RNGTT: variants seen among roughly 807,000 people sequenced by gnomAD.
RNGTT encodes mRNA-capping enzyme.
RNGTT carries 33 observed loss-of-function variants against 79.3 expected under a neutral mutation model. That is an observed-to-expected ratio of 0.42 (90% CI 0.32 to 0.56). The LOEUF is 0.56. Among genes scored for constraint, RNGTT ranks in the 20% least tolerant of loss-of-function variants. The pLI, the probability that RNGTT is intolerant of heterozygous loss-of-function variation, is 0.17. For missense variants in RNGTT, 497 were observed against 739.1 expected, an observed-to-expected ratio of 0.67 and a Z score of 3.80; for synonymous variants, 222 against 235.9, an observed-to-expected ratio of 0.94 and a Z score of 0.54.
chr6:88,934,716 C>G (rs928553616), intron 2 of RNGTT, among the ~76,000 whole-genome samples: 4 of 152,156 alleles, frequency 2.6e-5, no homozygotes, highest in Non-Finnish European at 5.9e-5. Context: ...ATATGAATCA[C>G]TGCAGCCTTG....
intron 13 of RNGTT, among the ~76,000 whole-genome samples, chr6:88,745,775 C>T (rs1777641017): frequency 6.6e-6 from 1 of 151,044 alleles, no homozygotes; most frequent in South Asian, 2.1e-4. Flanking sequence ...AAAAAAAAAG[C>T]AGAAGAAAAA....
At chr6:88,939,916 C>T (rs1195012002) in intron 2 of RNGTT, among the ~76,000 whole-genome samples, 1 of 151,170 alleles carries the variant, frequency 6.6e-6, no homozygotes, top group Non-Finnish European at 1.5e-5. Flanking sequence ...CCATGCCCGG[C>T]TAATTTTTTT....
At chr6:88,766,481 C>T (rs575024368) in intron 13 of RNGTT, among the ~76,000 whole-genome samples, 1 of 151,952 alleles carries the variant, frequency 6.6e-6, no homozygotes, top group African/African-American at 2.4e-5. Context: ...TAAAACTCAA[C>T]ACAATATAAA....
intron 12 of RNGTT, among the ~76,000 whole-genome samples, chr6:88,800,386 T>C (rs1053587748): frequency 6.6e-6 from 1 of 152,184 alleles, no homozygotes; most frequent in South Asian, 2.1e-4. Flanking sequence ...GTCTTTGAAT[T>C]AGAGATACTC....
chr6:88,823,092 T>C (rs1473091172), intron 11 of RNGTT, among the ~76,000 whole-genome samples: 1 of 152,124 alleles, frequency 6.6e-6, no homozygotes, highest in East Asian at 1.9e-4. Flanking sequence ...AATTCATAAA[T>C]CAAACGAGTG....
At chr6:88,648,124 A>G (rs1773648759) in intron 14 of RNGTT, among the ~76,000 whole-genome samples, 1 of 152,306 alleles carries the variant, frequency 6.6e-6, no homozygotes, top group African/African-American at 2.4e-5. Context: ...TCTCTTAGGA[A>G]CCATTACTTC....
intron 13 of RNGTT, among the ~76,000 whole-genome samples, chr6:88,724,551 T>C (rs1776820482): frequency 6.6e-6 from 1 of 152,134 alleles, no homozygotes; most frequent in Admixed American, 6.5e-5. Flanking sequence ...AGAAAATTTT[T>C]CCACAGACAG....
intron 13 of RNGTT, among the ~76,000 whole-genome samples, chr6:88,703,678 A>G (rs1259582837): frequency 6.6e-6 from 1 of 152,220 alleles, no homozygotes; most frequent in Non-Finnish European, 1.5e-5. Context: ...TACATCCTGA[A>G]TCTAAAATAA....
chr6:88,931,947 C>A (rs1033929192), intron 2 of RNGTT, among the ~76,000 whole-genome samples: 2 of 151,906 alleles, frequency 1.3e-5, no homozygotes, highest in Admixed American at 1.3e-4. Flanking sequence ...GAGATCTGGG[C>A]ACCTTGAAAA....
chr6:88,760,416 G>T (rs1207948238), intron 13 of RNGTT, among the ~76,000 whole-genome samples: 1 of 152,178 alleles, frequency 6.6e-6, no homozygotes, highest in East Asian at 1.9e-4. Flanking sequence ...AATGTTAACA[G>T]TAGTAACCAT....
In RNGTT at chr6:88,775,265, C is replaced by G. The variant is rs563472387; in HGVS notation, c.1339-5391G>C. Among the ~76,000 whole-genome samples, 111 of 152,286 alleles carry G rather than the reference C, an allele frequency of 7.3e-4. 1 individual carries two copies. Among genetic ancestry groups the G allele is most frequent in the Admixed American group, 1.4e-3 (21 of 15,296 alleles). On this transcript the variant is annotated intron_variant, in intron 12 of 15. Coordinates refer to ENST00000369485, the MANE Select transcript of RNGTT (RefSeq NM_003800.5). Reference sequence around the variant, plus strand: ...GTGTCAAGAACATCTGAAATCTACTCTCTTGGCAAACTTCCAGTATATAAA... The same window carrying G: ...GTGTCAAGAACATCTGAAATCTACTGTCTTGGCAAACTTCCAGTATATAAA...
chr6:88,840,743 A>G (rs1781259340), intron 11 of RNGTT, among the ~76,000 whole-genome samples: 1 of 152,234 alleles, frequency 6.6e-6, no homozygotes, highest in South Asian at 2.1e-4. Flanking sequence ...TTAAGGAATT[A>G]CATAAGCTAA....
rs35623392 is a variant in RNGTT at position 88,704,259 on chromosome 6, CAAAAAAAA to C, written c.1440-25848_1440-25841del. Among the ~76,000 whole-genome samples, 283 of 48,712 alleles carry C rather than the reference CAAAAAAAA, an allele frequency of 5.8e-3. 3 individuals are homozygous for C. Among genetic ancestry groups the C allele is most frequent in the African/African-American group, 0.014 (210 of 15,054 alleles). The allele number at this position is 48,712 out of a possible 152,430, so 32.0% of individuals were successfully genotyped here. Reference sequence around the variant, plus strand: ...TGGGTGACAGAGCGAGACTCTGTCTCAAAAAAAAAAAAAAAAAAAAAAAAAAAGACAGA... The same window carrying C: ...TGGGTGACAGAGCGAGACTCTGTCTCAAAAAAAAAAAAAAAAAAAGACAGA... On this transcript the variant is annotated intron_variant, in intron 13 of 15. Transcript: ENST00000369485.
chr6:88,963,509 G>A lies in RNGTT; in HGVS notation c.-100C>T, dbSNP rs1289971801. 7.0e-6 allele frequency: 8 copies of A among 1,145,116 alleles called. No individual in the cohort carries two copies. The highest frequency in any genetic ancestry group is 1.6e-5 in the African/African-American group (1 of 62,142). The allele number at this position is 1,145,116 out of a possible 1,614,324, so 70.9% of individuals were successfully genotyped here. ...GTGCACACCGGGGTCCGAGACACCC[G>A]AATCGCAGCCGTAATCTGAATTCCA... is the stretch of plus-strand genomic sequence containing the variant. On this transcript the variant is annotated 5_prime_UTR_variant, in exon 1 of 16. Coordinates refer to ENST00000369485, the MANE Select transcript of RNGTT (RefSeq NM_003800.5).
intron 14 of RNGTT, among the ~76,000 whole-genome samples, chr6:88,671,695 C>T (rs180796606): frequency 8.3e-4 from 126 of 152,332 alleles, no homozygotes; most frequent in Middle Eastern, 3.4e-3. Flanking sequence ...CATTACCCAA[C>T]GGCAAACTAT....
chr6:88,941,253 C>A (rs530374719), intron 1 of RNGTT, 73 bp from the exon 2 acceptor site: 1 of 1,054,820 alleles, frequency 9.5e-7, no homozygotes, highest in Middle Eastern at 2.1e-4. Flanking sequence ...ATTAACAATT[C>A]TCAAATATCA....
intron 12 of RNGTT, among the ~76,000 whole-genome samples, chr6:88,780,485 A>T (rs1288485397): frequency 3.9e-5 from 6 of 152,218 alleles, no homozygotes; most frequent in African/African-American, 1.4e-4. Flanking sequence ...TAAAAACACC[A>T]TTCTACATGT....
At chr6:88,825,604 T>C (rs1303429549) in intron 11 of RNGTT, among the ~76,000 whole-genome samples, 2 of 152,224 alleles carry the variant, frequency 1.3e-5, no homozygotes, top group African/African-American at 4.8e-5. Context: ...TTTTTAAAAA[T>C]GTTTATTTGA....
rs144405279 is a variant in RNGTT, at chr6:88,744,003, T to C, written c.1439+25771A>G. 4.1e-3 allele frequency among the ~76,000 whole-genome samples: 628 copies of C among 152,278 alleles called. 11 individuals are homozygous for C. Among genetic ancestry groups the C allele is most frequent in the Non-Finnish European group, 1.9e-3 (127 of 68,012 alleles). Reference sequence around the variant, plus strand: ...GCTTAGTATAAAGCCTAAAAACATTTTGTTGGTACTCTTCACCTTTTTTCC... The same window carrying C: ...GCTTAGTATAAAGCCTAAAAACATTCTGTTGGTACTCTTCACCTTTTTTCC... On this transcript the variant is annotated intron_variant, in intron 13 of 15. Coordinates refer to ENST00000369485, the MANE Select transcript of RNGTT (RefSeq NM_003800.5).
Sources: allele counts gnomAD v4.1 joint callset (sites outside exome capture counted in the v4.1 genomes callset), GRCh38; gene constraint gnomAD v4.1.1; transcripts MANE v1.5; gene names NCBI Gene and HGNC (gene_info 2026-07-23, HGNC 2026-07-21).